ERICH2: variants seen among roughly 807,000 people sequenced by gnomAD.
The protein encoded by ERICH2 is glutamate rich 2, also known as glutamate-rich protein 2.
A neutral mutation model predicts 17.4 loss-of-function variants in ERICH2; 17 were observed. The ratio of observed to expected loss-of-function variants is 0.98; its 90% CI spans 0.67 to 1.47. The LOEUF (loss-of-function observed/expected upper bound fraction) is 1.47. Among genes scored for constraint, ERICH2 ranks in the 40% most tolerant of loss-of-function variants. ERICH2 has a pLI of 0.00. For synonymous variants in ERICH2, 51 were observed against 61.1 expected (o/e 0.83, Z 0.77); for missense variants, 186 against 183.2 (o/e 1.01, Z -0.09).
chr2:170,782,884 TGAG>T (rs1375743958), upstream of ERICH2, among the ~76,000 whole-genome samples: 2 of 152,098 alleles, frequency 1.3e-5, no homozygotes, highest in Non-Finnish European at 2.9e-5. Context: ...CCCTAGAGTT[TGAG>T]ACCAGACTGG....
At chr2:170,790,311 A>G (rs1701257775) in intron 2 of ERICH2, among the ~76,000 whole-genome samples, 1 of 152,060 alleles carries the variant, frequency 6.6e-6, no homozygotes. Flanking sequence ...CCTGGCCAAC[A>G]TGATGAAATC....
At chr2:170,792,668 C>A (rs1701317264) in intron 2 of ERICH2, among the ~76,000 whole-genome samples, 195 bp from the exon 8 acceptor site, 1 of 152,190 alleles carries the variant, frequency 6.6e-6, no homozygotes, top group African/African-American at 2.4e-5. Flanking sequence ...ATCATCCTTA[C>A]CCCATGTGGC....
chr2:170,789,750 CTTTTCT>C (rs1490681428), intron 2 of ERICH2, among the ~76,000 whole-genome samples: 1 of 152,014 alleles, frequency 6.6e-6, no homozygotes, highest in Admixed American at 6.6e-5. Flanking sequence ...TTCCATACTT[CTTTTCT>C]TTTTCTGAGG....
chr2:170,798,833 A>G, exon 5 of ERICH2: 12 of 1,550,684 alleles, frequency 7.7e-6, no homozygotes, highest in Non-Finnish European at 1.0e-5. Flanking sequence ...GGTGAGAGTA[A>G]AGGAGAAAGC....
At chr2:170,781,354 G>A (rs184251351), upstream of ERICH2, among the ~76,000 whole-genome samples, 1 of 152,212 alleles carries the variant, frequency 6.6e-6, no homozygotes, top group Admixed American at 6.5e-5. Context: ...AGACTTGGGG[G>A]GCTGGGCACA....
At chr2:170,786,437 C>T (rs1036486354) in intron 2 of ERICH2, among the ~76,000 whole-genome samples, 5 of 151,732 alleles carry the variant, frequency 3.3e-5, no homozygotes, top group Non-Finnish European at 5.9e-5. Context: ...ATTTTTTCTT[C>T]CATATTATTT....
chr2:170,774,748 G>C, the ERICH2 span, among the ~76,000 whole-genome samples: 1 of 150,718 alleles, frequency 6.6e-6, no homozygotes, highest in South Asian at 2.1e-4. Flanking sequence ...AATTTTTTTT[G>C]ATATTTTTAG....
At chr2:170,794,105 C>CTTTTTTTTTTTTTTTTTTTT (rs59152667) in intron 3 of ERICH2, among the ~76,000 whole-genome samples, 3 of 88,168 alleles carry the variant, frequency 3.4e-5, no homozygotes, top group Non-Finnish European at 4.2e-5. Flanking sequence ...TCCTTTCTTT[C>CTTTTTTTTTTTTTTTTTTTT]TTTTTTTTTT....
the ERICH2 span, among the ~76,000 whole-genome samples, chr2:170,776,858 T>G: frequency 1.3e-5 from 2 of 152,078 alleles, no homozygotes; most frequent in African/African-American, 4.8e-5. Flanking sequence ...TTTTACATAT[T>G]ATTTCATCAC....
At chr2:170,774,018 G>A in the ERICH2 span, among the ~76,000 whole-genome samples, 1 of 152,096 alleles carries the variant, frequency 6.6e-6, no homozygotes, top group Non-Finnish European at 1.5e-5. Flanking sequence ...CACGACACCT[G>A]ACCCAAATAC....
intron 2 of ERICH2, among the ~76,000 whole-genome samples, chr2:170,789,231 T>C (rs1171522609): frequency 6.6e-6 from 1 of 151,708 alleles, no homozygotes; most frequent in Non-Finnish European, 1.5e-5. Flanking sequence ...TCCCAAAGTG[T>C]TGGGATTACA....
At position 170,796,498 on chromosome 2, in the gene ERICH2, C is replaced by T. The variant is rs185818088; in HGVS notation, c.275-1543C>T. Among the ~76,000 whole-genome samples the T allele has an allele frequency of 3.1e-3, 441 of 143,346 alleles. 5 individuals carry two copies. Among genetic ancestry groups the T allele is most frequent in the Admixed American group, 6.0e-3 (77 of 12,830 alleles). 94.0% of individuals were successfully genotyped at this position (143,346 alleles called of 152,430 possible). The stretch of plus-strand genomic sequence containing the variant: ...TCACTTAGGCTGGGATGCAGTGGCA[C>T]GATTTCAACCCACTGCAACCTCCAT... On this transcript the variant is annotated intron_variant, in intron 3 of 4. Transcript: ENST00000409885.
At chr2:170,779,411 T>C (rs962220426), upstream of ERICH2, among the ~76,000 whole-genome samples, 1 of 152,220 alleles carries the variant, frequency 6.6e-6, no homozygotes, top group African/African-American at 2.4e-5. Flanking sequence ...ATGTGGACTC[T>C]ATAAACCACA....
intron 2 of ERICH2, among the ~76,000 whole-genome samples, chr2:170,789,071 G>A (rs1400839171): frequency 4.0e-5 from 6 of 150,980 alleles, no homozygotes; most frequent in Non-Finnish European, 8.8e-5. Flanking sequence ...AGTGATTCTC[G>A]TGCCTCAGCC....
At chr2:170,777,827 C>A in the ERICH2 span, 1 of 359,236 alleles carries the variant, frequency 2.8e-6, no homozygotes, top group Non-Finnish European at 4.4e-6. Context: ...GCAGTCAAAG[C>A]AATTGTTACT....
intron 3 of ERICH2, among the ~76,000 whole-genome samples, chr2:170,793,178 A>G (rs1377874479): frequency 6.6e-6 from 1 of 152,254 alleles, no homozygotes; most frequent in Non-Finnish European, 1.5e-5. Flanking sequence ...TTTTACCCTC[A>G]TGATGATGGG....
At chr2:170,784,112 C>G (rs1398709100) in intron 1 of ERICH2, among the ~76,000 whole-genome samples, 1 of 152,040 alleles carries the variant, frequency 6.6e-6, no homozygotes, top group East Asian at 1.9e-4. Flanking sequence ...GCTACCTTCC[C>G]ATCAAAGAAG....
chr2:170,790,282 G>A (rs539418920), intron 2 of ERICH2, among the ~76,000 whole-genome samples: 61 of 152,054 alleles, frequency 4.0e-4, no homozygotes, highest in African/African-American at 1.2e-3. Context: ...ATCACTTGAC[G>A]TCAGGAATTC....
the ERICH2 span, chr2:170,775,854 T>C: frequency 1.1e-5 from 1 of 94,306 alleles, no homozygotes; most frequent in Admixed American, 1.5e-4. Flanking sequence ...ATAAAGGAGT[T>C]GGATTTAAAA....
Sources: gnomAD v4.1 joint callset for allele counts (sites outside exome capture counted in the v4.1 genomes callset) on GRCh38, gnomAD v4.1.1 for gene constraint, MANE v1.5 for transcripts, NCBI Gene and HGNC (gene_info 2026-07-23, HGNC 2026-07-21) for gene names.